The following SCML4 variants were observed in gnomAD, a reference collection of about 807,000 sequenced individuals.
The protein encoded by SCML4 is Scm polycomb group protein like 4.
In SCML4, 34 loss-of-function variants were observed where a neutral mutation model predicts 41.1. The observed-to-expected ratio is 0.83, with a 90% CI of 0.63 to 1.10. The LOEUF (loss-of-function observed/expected upper bound fraction) is 1.10, where lower values mean the gene tolerates loss of function less well. SCML4 is among the 50% of genes least tolerant of loss of function. The pLI is 0.00. For synonymous variants in SCML4, 214 were observed against 220.9 expected (o/e 0.97, Z 0.28); for missense variants, 522 against 534.1 (o/e 0.98, Z 0.22).
At chr6:107,726,327 A>G (rs1179422566) in intron 5 of SCML4, among the ~76,000 whole-genome samples, 1 of 151,830 alleles carries the variant, frequency 6.6e-6, no homozygotes, top group Non-Finnish European at 1.5e-5. Flanking sequence ...AGGTCAGGAG[A>G]TCAAGACCAT....
At chr6:107,719,976 C>T (rs999580124) in intron 6 of SCML4, 27 of 985,440 alleles carry the variant, frequency 2.7e-5, no homozygotes, top group Admixed American at 6.1e-5. Context: ...GCCCTTATAG[C>T]GCTTTTGTAG....
intron 2 of SCML4, among the ~76,000 whole-genome samples, chr6:107,765,282 T>C (rs992671476): frequency 2.0e-5 from 3 of 152,196 alleles, no homozygotes; most frequent in African/African-American, 7.2e-5. Context: ...AATGGGGACA[T>C]GGACCATCCG....
At chr6:107,768,350 T>C (rs1004950971) in intron 2 of SCML4, among the ~76,000 whole-genome samples, 1 of 152,200 alleles carries the variant, frequency 6.6e-6, no homozygotes, top group African/African-American at 2.4e-5. Flanking sequence ...GTCACTGTTA[T>C]TTAGCCCTTG....
chr6:107,754,457 A>G (rs9400138), intron 2 of SCML4, among the ~76,000 whole-genome samples: 28,429 of 152,074 alleles, frequency 0.19, 2,772 homozygotes, highest in African/African-American at 0.21. Flanking sequence ...AGGGTCCCCT[A>G]ACTGCCTTTC....
intron 3 of SCML4, among the ~76,000 whole-genome samples, chr6:107,748,638 A>G (rs569830120): frequency 5.6e-4 from 86 of 152,340 alleles, no homozygotes; most frequent in Non-Finnish European, 1.1e-3. Context: ...TACAGGCACT[A>G]TGCCATGCCC....
intron 2 of SCML4, among the ~76,000 whole-genome samples, chr6:107,764,566 C>T (rs2114549761): frequency 6.6e-6 from 1 of 152,104 alleles, no homozygotes; most frequent in East Asian, 1.9e-4. Flanking sequence ...CCTGCTCTGC[C>T]TGAGGTGGGA....
At chr6:107,804,925 G>A (rs1040075866) in intron 1 of SCML4, among the ~76,000 whole-genome samples, 1 of 152,130 alleles carries the variant, frequency 6.6e-6, no homozygotes. Context: ...AGCTGTGTTC[G>A]CACCACTGTA....
At position 107,772,172 on chromosome 6, in the gene SCML4, C is replaced by T. The variant is rs1780573460; in HGVS notation, c.156G>A (p.Lys52=). 6.5e-7 allele frequency: 1 copy of T among 1,549,222 alleles called. No individual in the cohort carries two copies. The highest frequency in any genetic ancestry group is 2.0e-5 in the Admixed American group (1 of 50,792). ...PKKRGRKPGY[K]IKSRVLMTPL... ...GGAGAAGGAGATGATGGAGCCGTAC[C>T]TTGTACCCGGGTTTCCGCCCTCTTT... Residue 52 remains lysine (K), a splice_region_variant and synonymous_variant, in exon 2 of 8, where the codon AAG becomes AAA. Coordinates refer to ENST00000369020, the MANE Select transcript of SCML4 (RefSeq NM_198081.5).
upstream of SCML4, among the ~76,000 whole-genome samples, chr6:107,826,295 AAAGAAAAGAAAAAG>A (rs1318204899): frequency 8.4e-5 from 11 of 131,282 alleles, no homozygotes; most frequent in East Asian, 1.2e-3. Flanking sequence ...AAAAGAAAAG[AAAGAAAAGAAAAAG>A]AAGAAAAGAA....
chr6:107,726,585 C>T (rs117784272), intron 5 of SCML4, among the ~76,000 whole-genome samples: 2,390 of 147,216 alleles, frequency 0.016, 41 homozygotes, highest in East Asian at 0.038. Context: ...AAAAGACAAC[C>T]CGATTTTAAA....
intron 3 of SCML4, 71 bp downstream of exon 3, chr6:107,749,613 T>C: frequency 6.4e-7 from 1 of 1,559,944 alleles, no homozygotes; most frequent in Non-Finnish European, 8.7e-7. Context: ...ATCCACAAAG[T>C]AACAATTAGA....
At chr6:107,820,881 A>G (rs1456415484) in intron 1 of SCML4, among the ~76,000 whole-genome samples, 2 of 152,196 alleles carry the variant, frequency 1.3e-5, no homozygotes, top group Non-Finnish European at 2.9e-5. Context: ...AGAAAGTGAC[A>G]TATTCAAATG....
chr6:107,770,582 A>C (rs981668281), intron 2 of SCML4, among the ~76,000 whole-genome samples: 6 of 152,190 alleles, frequency 3.9e-5, no homozygotes, highest in African/African-American at 1.4e-4. Context: ...ATGGGAAAAG[A>C]CTGCCTGCTT....
chr6:107,720,409 T>C, intron 6 of SCML4: 1 of 1,082,620 alleles, frequency 9.2e-7, no homozygotes, highest in Non-Finnish European at 1.1e-6. Context: ...ATCAGGAACA[T>C]TCACCTTTGG....
intron 5 of SCML4, among the ~76,000 whole-genome samples, chr6:107,721,489 C>T (rs1273111257): frequency 3.3e-5 from 5 of 151,480 alleles, no homozygotes; most frequent in East Asian, 1.9e-4. Flanking sequence ...CGCTTGAACC[C>T]GGGAGGCAGA....
the SCML4 span, among the ~76,000 whole-genome samples, chr6:107,844,712 C>T: frequency 1.3e-5 from 2 of 151,912 alleles, no homozygotes; most frequent in African/African-American, 4.8e-5. Context: ...CCTCATTTGT[C>T]CTCATATCAA....
chr6:107,726,390 G>A (rs12201581), intron 5 of SCML4, among the ~76,000 whole-genome samples: 9,825 of 151,606 alleles, frequency 0.065, 448 homozygotes, highest in Admixed American at 0.15. Context: ...AAAATTAGCC[G>A]GGCATGGTGG....
At chr6:107,724,064 C>A (rs1399528935) in intron 5 of SCML4, among the ~76,000 whole-genome samples, 1 of 152,104 alleles carries the variant, frequency 6.6e-6, no homozygotes, top group Admixed American at 6.5e-5. Context: ...AGAGATCACA[C>A]AATCACCTCA....
intron 5 of SCML4, among the ~76,000 whole-genome samples, chr6:107,738,797 GC>G (rs543674567): frequency 7.9e-4 from 120 of 152,044 alleles, no homozygotes; most frequent in Admixed American, 4.5e-3. Context: ...CTGCCCTCCC[GC>G]TGTACAGGGC....
Sources: allele counts gnomAD v4.1 joint callset (sites outside exome capture counted in the v4.1 genomes callset), GRCh38; gene constraint gnomAD v4.1.1; transcripts MANE v1.5; gene names NCBI Gene and HGNC (gene_info 2026-07-23, HGNC 2026-07-21).